The following ADAMTSL1 variants were observed in gnomAD, a reference collection of about 807,000 sequenced individuals.
ADAMTSL1 encodes ADAMTS-like protein 1.
ADAMTSL1 carries 126 observed loss-of-function variants against 201.8 expected under a neutral mutation model. The ratio of observed to expected loss-of-function variants is 0.62; its 90% CI spans 0.54 to 0.72. ADAMTSL1 has a LOEUF of 0.72. Ranked by LOEUF, ADAMTSL1 falls within the 30% of genes least tolerant of loss-of-function variation. ADAMTSL1 has a pLI of 0.00. For synonymous variants in ADAMTSL1, 1,121 were observed against 903.4 expected (o/e 1.24, Z -4.32); for missense variants, 2,679 against 2,277.8 (o/e 1.18, Z -3.59).
chr9:18,018,245 A>G (rs1332127060), intron 1 of ADAMTSL1, among the ~76,000 whole-genome samples: 1 of 152,118 alleles, frequency 6.6e-6, no homozygotes, highest in Non-Finnish European at 1.5e-5. Flanking sequence ...GAGCCCACTT[A>G]TATGGTACTT....
At chr9:18,132,567 CTG>C (rs1375557491) in intron 1 of ADAMTSL1, among the ~76,000 whole-genome samples, 4 of 152,322 alleles carry the variant, frequency 2.6e-5, no homozygotes, top group Admixed American at 2.6e-4. Flanking sequence ...ATGGGTTCAA[CTG>C]TGTACTCACC....
intron 2 of ADAMTSL1, among the ~76,000 whole-genome samples, chr9:18,335,097 T>C (rs766219139): frequency 1.3e-5 from 2 of 152,158 alleles, no homozygotes; most frequent in African/African-American, 2.4e-5. Context: ...CATCTTAGTG[T>C]AATGACAAAG....
At chr9:18,462,693 C>G (rs1414122056) in intron 2 of ADAMTSL1, among the ~76,000 whole-genome samples, 1 of 152,024 alleles carries the variant, frequency 6.6e-6, no homozygotes, top group Non-Finnish European at 1.5e-5. Context: ...AATCCTAGCA[C>G]TTTGAGAAGC....
At chr9:18,831,602 T>G (rs768572102) in intron 23 of ADAMTSL1, among the ~76,000 whole-genome samples, 4 of 152,246 alleles carry the variant, frequency 2.6e-5, no homozygotes, top group Non-Finnish European at 5.9e-5. Context: ...GTACTTTATG[T>G]TGCCACATTC....
chr9:18,787,307 C>T (rs1821763925), intron 19 of ADAMTSL1, among the ~76,000 whole-genome samples: 1 of 152,148 alleles, frequency 6.6e-6, no homozygotes, highest in Admixed American at 6.5e-5. Context: ...TGAGTGTCAA[C>T]ACAGTGGTCG....
In ADAMTSL1 at chr9:18,906,770, T is replaced by C; in HGVS notation, c.5040T>C (p.Ala1680=). The change falls in exon 28 of 29, where the codon GCT becomes GCC. Residue 1680 remains alanine (A), a synonymous_variant. Transcript: ENST00000380548. ...TCAGCCTGTGGACCCTGTGCACAGC[T>C]ACCTGTGGCAACTACGGCTTCCAGT... is the stretch of plus-strand genomic sequence containing the variant. ...WRVSLWTLCT[A]TCGNYGFQSR... The C allele has an allele frequency of 6.2e-7, 1 of 1,613,980 alleles. No individual in the cohort carries two copies. The highest frequency in any genetic ancestry group is 8.5e-7 in the Non-Finnish European group (1 of 1,179,864).
intron 1 of ADAMTSL1, among the ~76,000 whole-genome samples, chr9:18,058,032 C>T (rs191776849): frequency 6.6e-6 from 1 of 152,308 alleles, no homozygotes; most frequent in African/African-American, 2.4e-5. Flanking sequence ...CCTTGTTCAT[C>T]ATTGTATCTT....
At chr9:18,578,431 A>G (rs930036517) in intron 4 of ADAMTSL1, among the ~76,000 whole-genome samples, 1 of 152,090 alleles carries the variant, frequency 6.6e-6, no homozygotes, top group African/African-American at 2.4e-5. Context: ...ATCATTCTAG[A>G]CTAGATGAAG....
At chr9:18,730,750 A>T (rs1271411896) in intron 15 of ADAMTSL1, among the ~76,000 whole-genome samples, 3 of 152,182 alleles carry the variant, frequency 2.0e-5, no homozygotes, top group African/African-American at 7.2e-5. Flanking sequence ...ATGGGGAGTT[A>T]CTGTCCTTGA....
chr9:18,440,921 C>G (rs1212992484), intron 2 of ADAMTSL1, among the ~76,000 whole-genome samples: 2 of 151,888 alleles, frequency 1.3e-5, no homozygotes, highest in African/African-American at 4.8e-5. Context: ...AGCGGCTCAT[C>G]CAAACAAAGA....
At chr9:18,683,840 A>C (rs2133193246) in intron 12 of ADAMTSL1, among the ~76,000 whole-genome samples, 1 of 152,330 alleles carries the variant, frequency 6.6e-6, no homozygotes. Flanking sequence ...GGCTCTCTAA[A>C]CATCATTAAA....
At chr9:18,084,661 C>T (rs1823662908) in intron 1 of ADAMTSL1, among the ~76,000 whole-genome samples, 1 of 152,104 alleles carries the variant, frequency 6.6e-6, no homozygotes, top group African/African-American at 2.4e-5. Context: ...AGCTCCCTCC[C>T]TCCCTTTCTG....
intron 1 of ADAMTSL1, among the ~76,000 whole-genome samples, chr9:17,933,751 A>C (rs1826893388): frequency 6.6e-6 from 1 of 152,056 alleles, no homozygotes; most frequent in African/African-American, 2.4e-5. Flanking sequence ...TTTTTAAACA[A>C]CCAGATTTCG....
At chr9:18,040,173 A>G (rs1821372735) in intron 1 of ADAMTSL1, among the ~76,000 whole-genome samples, 1 of 152,184 alleles carries the variant, frequency 6.6e-6, no homozygotes, top group Non-Finnish European at 1.5e-5. Flanking sequence ...AGGTGCATGT[A>G]TAGTAAGCAA....
At chr9:18,131,455 G>T (rs10756939) in intron 1 of ADAMTSL1, among the ~76,000 whole-genome samples, 5 of 151,998 alleles carry the variant, frequency 3.3e-5, no homozygotes, top group Admixed American at 2.6e-4. Context: ...GTTTGGGAAG[G>T]TTTCTTAGAG....
At chr9:18,065,831 A>C (rs1387070481) in intron 1 of ADAMTSL1, among the ~76,000 whole-genome samples, 1 of 151,966 alleles carries the variant, frequency 6.6e-6, no homozygotes, top group African/African-American at 2.4e-5. Context: ...AAATACAAAA[A>C]TTAGCTGGGC....
intron 14 of ADAMTSL1, among the ~76,000 whole-genome samples, chr9:18,711,242 G>A (rs1055018991): frequency 1.3e-5 from 2 of 152,228 alleles, no homozygotes; most frequent in Non-Finnish European, 2.9e-5. Flanking sequence ...CAGGCAAGGA[G>A]CCAAGATGGC....
At chr9:18,887,729 T>G in intron 23 of ADAMTSL1, 102 bp from the exon 24 acceptor site, 4 of 1,046,236 alleles carry the variant, frequency 3.8e-6, no homozygotes, top group South Asian at 1.5e-5. Context: ...CAAGGCCACA[T>G]TGTGTGTACA....
chr9:18,404,067 C>A (rs769450888), intron 2 of ADAMTSL1, among the ~76,000 whole-genome samples: 9 of 152,082 alleles, frequency 5.9e-5, no homozygotes, highest in Non-Finnish European at 8.8e-5. Context: ...TAAAATAATG[C>A]TATAATCTTT....
Sources: gnomAD v4.1 joint callset for allele counts (sites outside exome capture counted in the v4.1 genomes callset) on GRCh38, gnomAD v4.1.1 for gene constraint, MANE v1.5 for transcripts, NCBI Gene and HGNC (gene_info 2026-07-23, HGNC 2026-07-21) for gene names.